Variants in KATNAL1 observed in about 807,000 individuals in gnomAD.
KATNAL1 encodes katanin catalytic subunit A1 like 1.
In KATNAL1, 32 loss-of-function variants were observed where a neutral mutation model predicts 55.2. The observed-to-expected ratio is 0.58, with a 90% CI of 0.44 to 0.78. The LOEUF (loss-of-function observed/expected upper bound fraction) is 0.78. Among genes scored for constraint, KATNAL1 ranks in the 30% least tolerant of loss-of-function variants. The pLI, the probability that KATNAL1 is intolerant of heterozygous loss-of-function variation, is 0.00. For synonymous variants in KATNAL1, 193 were observed against 193.6 expected (o/e 1.00, Z 0.02); for missense variants, 466 against 600.9 (o/e 0.78, Z 2.35).
At chr13:30,213,982 T>G (rs539482439) in intron 9 of KATNAL1, among the ~76,000 whole-genome samples, 1 of 152,156 alleles carries the variant, frequency 6.6e-6, no homozygotes. Context: ...GGAAGTCAAA[T>G]TGTCCCTGTT....
intron 1 of KATNAL1, among the ~76,000 whole-genome samples, chr13:30,288,008 C>T (rs1881904541): frequency 6.6e-6 from 1 of 152,154 alleles, no homozygotes; most frequent in South Asian, 2.1e-4. Flanking sequence ...GTACAACTTT[C>T]TGTAAGACAG....
intron 1 of KATNAL1, among the ~76,000 whole-genome samples, chr13:30,288,568 C>T (rs553728887): frequency 2.6e-5 from 4 of 152,266 alleles, no homozygotes; most frequent in African/African-American, 9.6e-5. Context: ...AACTTTACTG[C>T]AGTATTAGTT....
At position 30,301,983 on chromosome 13, in the gene KATNAL1, C is replaced by G. The variant is rs564803725; in HGVS notation, c.-15+5348G>C. Among the ~76,000 whole-genome samples the G allele has an allele frequency of 9.8e-5, 15 of 152,306 alleles. 1 individual carries two copies. In the East Asian group the frequency reaches 2.7e-3, roughly 27 times the overall value. On this transcript the variant is annotated intron_variant, in intron 1 of 10. Transcript: ENST00000380615. ...ACCTCCCAGTCTCAACCAATCCTCC[C>G]ACCTCAGCCTCCTGAGTAGCTGGGA...
chr13:30,240,650 C>A, intron 5 of KATNAL1, 85 bp from the exon 6 acceptor site: 3 of 910,812 alleles, frequency 3.3e-6, no homozygotes, highest in Non-Finnish European at 5.1e-6. Flanking sequence ...TTTTTTTTTA[C>A]TTATGAAATT....
Position 30,280,231 on chromosome 13 carries a change from A to G in KATNAL1, c.163-8T>C. 1 of 1,572,852 alleles carries G rather than the reference A, an allele frequency of 6.4e-7. No homozygotes were observed. Among genetic ancestry groups the G allele is most frequent in the Non-Finnish European group, 8.6e-7 (1 of 1,166,884 alleles). On this transcript the variant is annotated splice_region_variant and splice_polypyrimidine_tract_variant and intron_variant, in intron 2 of 10. Transcript: ENST00000380615. ...CAATAATTCCTGCCGAACCTTAAAA[A>G]AAAAAAATAGGCTTTATGCTAGAAG...
At chr13:30,259,074 T>A (rs1321764790) in intron 3 of KATNAL1, among the ~76,000 whole-genome samples, 1 of 152,248 alleles carries the variant, frequency 6.6e-6, no homozygotes, top group Non-Finnish European at 1.5e-5. Flanking sequence ...ACACAGTGGC[T>A]CACACTTGTA....
intron 9 of KATNAL1, among the ~76,000 whole-genome samples, chr13:30,224,236 T>C (rs1303968469): frequency 6.6e-6 from 1 of 151,992 alleles, no homozygotes; most frequent in Non-Finnish European, 1.5e-5. Context: ...AGCTTTAAAA[T>C]GTGCAAATTT....
Position 30,203,155 on chromosome 13 carries a change from T to C in KATNAL1, c.*5385A>G, listed in dbSNP as rs1183556751. The stretch of plus-strand genomic sequence containing the variant: ...TACATCCAAATAATGAAGCTGACCA[T>C]AACAAAGACGGGAAAAGTAATTCAG... On this transcript the variant is annotated 3_prime_UTR_variant, in exon 11 of 11. Transcript: ENST00000380615. 2.0e-5 allele frequency: 3 copies of C among 152,260 alleles called. No individual in the cohort carries two copies. Among genetic ancestry groups the C allele is most frequent in the East Asian group, 1.9e-4 (1 of 5,188 alleles). 9.4% of individuals were successfully genotyped at this position (152,260 alleles called of 1,614,324 possible).
At chr13:30,223,441 C>CAAAA (rs34451447) in intron 9 of KATNAL1, among the ~76,000 whole-genome samples, 1 of 48,770 alleles carries the variant, frequency 2.1e-5, no homozygotes. Context: ...GACTCCATCT[C>CAAAA]AAAAAAAAAA....
rs73443687 is a variant in KATNAL1, at chr13:30,258,887, G to A, written c.324-3272C>T. On this transcript the variant is annotated intron_variant, in intron 3 of 10. Coordinates refer to ENST00000380615, the MANE Select transcript of KATNAL1 (RefSeq NM_032116.5). ...AACTTTCCAGAATTTAATCATTAAG[G>A]ATAACTTCTGGTTCTAAAAAGGACT... Among the ~76,000 whole-genome samples, 588 of 152,144 alleles carry A rather than the reference G, an allele frequency of 3.9e-3. 9 individuals carry two copies. Among genetic ancestry groups the A allele is most frequent in the African/African-American group, 0.014 (571 of 41,506 alleles).
At chr13:30,272,939 C>T (rs951943777) in intron 3 of KATNAL1, among the ~76,000 whole-genome samples, 3 of 152,208 alleles carry the variant, frequency 2.0e-5, no homozygotes, top group Non-Finnish European at 4.4e-5. Flanking sequence ...GCGCTCACCT[C>T]TATATCTGCC....
intron 8 of KATNAL1, among the ~76,000 whole-genome samples, chr13:30,229,930 T>TA (rs1407640453): frequency 5.0e-5 from 7 of 140,140 alleles, no homozygotes; most frequent in East Asian, 2.1e-4. Flanking sequence ...TCCAAAATAT[T>TA]AAAAAAAAGA....
intron 3 of KATNAL1, among the ~76,000 whole-genome samples, chr13:30,275,791 T>C (rs377618173): frequency 6.6e-6 from 1 of 152,228 alleles, no homozygotes; most frequent in East Asian, 1.9e-4. Context: ...AAAAAATATA[T>C]ATATATATCA....
intron 6 of KATNAL1, among the ~76,000 whole-genome samples, chr13:30,235,701 G>T (rs747736579): frequency 3.3e-5 from 5 of 152,206 alleles, no homozygotes; most frequent in Non-Finnish European, 5.9e-5. Flanking sequence ...ATCTCGCCCT[G>T]TAAGTTTCTC....
At chr13:30,239,072 T>C (rs550635363) in intron 6 of KATNAL1, among the ~76,000 whole-genome samples, 5 of 152,304 alleles carry the variant, frequency 3.3e-5, no homozygotes, top group East Asian at 1.9e-4. Flanking sequence ...TTTTAGAAGC[T>C]TGAAAAATTT....
chr13:30,306,642 A>G (rs1883195811), intron 1 of KATNAL1: 1 of 152,226 alleles, frequency 6.6e-6, no homozygotes, highest in Non-Finnish European at 1.5e-5. Flanking sequence ...TTAATATGCA[A>G]ACACCTCTGA....
At chr13:30,222,074 AATT>A (rs1322728143) in intron 9 of KATNAL1, among the ~76,000 whole-genome samples, 14 of 152,000 alleles carry the variant, frequency 9.2e-5, no homozygotes, top group Non-Finnish European at 1.2e-4. Flanking sequence ...GAAAAAGAAA[AATT>A]ATTCTGAATG....
At chr13:30,216,744 G>A (rs943960261) in intron 9 of KATNAL1, among the ~76,000 whole-genome samples, 3 of 152,240 alleles carry the variant, frequency 2.0e-5, no homozygotes, top group Admixed American at 6.5e-5. Flanking sequence ...ACAGAAGGCT[G>A]ATGTGCGCCT....
intron 9 of KATNAL1, among the ~76,000 whole-genome samples, chr13:30,215,265 TC>T (rs1874098944): frequency 2.0e-5 from 3 of 151,928 alleles, no homozygotes; most frequent in Middle Eastern, 3.4e-3. Flanking sequence ...CATTAAAAAG[TC>T]AGGAAACAAC....
Sources: gnomAD v4.1 joint callset for allele counts (sites outside exome capture counted in the v4.1 genomes callset) on GRCh38, gnomAD v4.1.1 for gene constraint, MANE v1.5 for transcripts, NCBI Gene and HGNC (gene_info 2026-07-23, HGNC 2026-07-21) for gene names.